The following PDE4D variants were observed in gnomAD, a reference collection of about 807,000 sequenced individuals.
PDE4D encodes 3',5'-cyclic-AMP phosphodiesterase 4D.
A neutral mutation model predicts 87.4 loss-of-function variants in PDE4D; 24 were observed. The observed-to-expected ratio is 0.27, with a 90% confidence interval of 0.20 to 0.39. The LOEUF is 0.39. Among genes scored for constraint, PDE4D ranks in the 10% least tolerant of loss-of-function variants. The pLI, the probability that PDE4D is intolerant of heterozygous loss-of-function variation, is 1.00. For missense variants in PDE4D, 714 were observed against 1,041.0 expected, an observed-to-expected ratio of 0.69 and a Z score of 4.32; for synonymous variants, 384 against 383.2, an observed-to-expected ratio of 1.00 and a Z score of -0.02.
chr5:59,587,007 T>G, intron 1 of PDE4D: 1 of 985,410 alleles, frequency 1.0e-6, no homozygotes, highest in Non-Finnish European at 1.2e-6. Flanking sequence ...TTCCCAGATT[T>G]CAGAATTGCT....
At chr5:59,525,370 C>A (rs575060060) in intron 1 of PDE4D, among the ~76,000 whole-genome samples, 1 of 152,304 alleles carries the variant, frequency 6.6e-6, no homozygotes, top group Admixed American at 6.5e-5. Flanking sequence ...GGGCCTGTTG[C>A]CCCTTTGTTC....
chr5:59,809,326 T>C (rs1768080370), intron 1 of PDE4D, among the ~76,000 whole-genome samples: 1 of 152,068 alleles, frequency 6.6e-6, no homozygotes, highest in Admixed American at 6.5e-5. Context: ...CCATCGAAAG[T>C]GAGATATAAA....
chr5:60,278,726 C>T (rs76492626), intron 1 of PDE4D, among the ~76,000 whole-genome samples: 24 of 152,142 alleles, frequency 1.6e-4, no homozygotes, highest in Non-Finnish European at 2.9e-4. Flanking sequence ...TAAAACTCCA[C>T]GTGGCTCATC....
At chr5:59,569,654 T>C (rs540546279) in intron 1 of PDE4D, among the ~76,000 whole-genome samples, 2 of 152,324 alleles carry the variant, frequency 1.3e-5, no homozygotes, top group East Asian at 1.9e-4. Flanking sequence ...TTACTGCAGG[T>C]GCATCCACTT....
At position 59,715,502 on chromosome 5, in the gene PDE4D, G is replaced by A. The variant is rs116143107; in HGVS notation, c.455+177666C>T. Reference sequence around the variant, plus strand: ...ACTGACTCCATATGGTTTCATACCGGGTATGGACAAAGTAGTCAATGGGCT... The same window carrying A: ...ACTGACTCCATATGGTTTCATACCGAGTATGGACAAAGTAGTCAATGGGCT... On this transcript the variant is annotated intron_variant, in intron 1 of 14. Coordinates refer to ENST00000340635, the MANE Select transcript of PDE4D (RefSeq NM_001104631.2). Among the ~76,000 whole-genome samples the A allele has an allele frequency of 2.9e-3, 435 of 152,302 alleles. 5 individuals are homozygous for A. The highest frequency in any genetic ancestry group is 0.01 in the African/African-American group (417 of 41,590).
chr5:60,092,050 C>CA (rs66814905), intron 2 of PDE4D, among the ~76,000 whole-genome samples: 1,066 of 55,900 alleles, frequency 0.019, 179 homozygotes, highest in African/African-American at 0.042. Context: ...AACTCCGTCT[C>CA]AAAAAAAAAA....
intron 2 of PDE4D, among the ~76,000 whole-genome samples, chr5:60,076,114 A>T (rs1412798403): frequency 2.0e-5 from 3 of 152,020 alleles, no homozygotes; most frequent in South Asian, 2.1e-4. Context: ...GAGTTCCCAC[A>T]CTGGTTTTTT....
chr5:60,453,458 A>G (rs1217641007), intron 1 of PDE4D, among the ~76,000 whole-genome samples: 1 of 152,160 alleles, frequency 6.6e-6, no homozygotes, highest in African/African-American at 2.4e-5. Flanking sequence ...GAGATCATAA[A>G]TGTCTTATTA....
At chr5:60,262,755 G>T (rs1303426005) in intron 1 of PDE4D, among the ~76,000 whole-genome samples, 1 of 152,134 alleles carries the variant, frequency 6.6e-6, no homozygotes, top group Non-Finnish European at 1.5e-5. Context: ...CTACTTTCTA[G>T]CTTTGTCAGC....
intron 6 of PDE4D, among the ~76,000 whole-genome samples, chr5:59,031,516 GC>G (rs1364154950): frequency 6.8e-6 from 1 of 147,638 alleles, no homozygotes; most frequent in Non-Finnish European, 1.5e-5. Flanking sequence ...GACCATCCTG[GC>G]TAACATAGTA....
intron 1 of PDE4D, among the ~76,000 whole-genome samples, chr5:60,427,692 A>T (rs79867937): frequency 0.027 from 4,160 of 152,324 alleles, 92 homozygotes; most frequent in Middle Eastern, 0.078. Context: ...TTCCTTAAAG[A>T]CTACTATTTA....
At chr5:60,277,191 A>G (rs1429859920) in intron 1 of PDE4D, among the ~76,000 whole-genome samples, 1 of 152,044 alleles carries the variant, frequency 6.6e-6, no homozygotes, top group African/African-American at 2.4e-5. Flanking sequence ...GGAAAAGCGG[A>G]TTTTCCTCTA....
intron 2 of PDE4D, among the ~76,000 whole-genome samples, chr5:60,126,248 C>T (rs550039621): frequency 1.7e-4 from 26 of 151,518 alleles, no homozygotes; most frequent in Non-Finnish European, 3.5e-4. Flanking sequence ...ATCCAGCTAT[C>T]TTCAGACAAT....
At chr5:59,297,420 T>C (rs1346078401) in intron 1 of PDE4D, among the ~76,000 whole-genome samples, 1 of 152,194 alleles carries the variant, frequency 6.6e-6, no homozygotes, top group South Asian at 2.1e-4. Context: ...TGGGTCCTTG[T>C]GGTAAATAAA....
chr5:59,719,485 G>T (rs560021816), intron 1 of PDE4D, among the ~76,000 whole-genome samples: 1 of 152,192 alleles, frequency 6.6e-6, no homozygotes, highest in South Asian at 2.1e-4. Flanking sequence ...TTAATTACGG[G>T]TTTATATAAT....
intron 2 of PDE4D, among the ~76,000 whole-genome samples, chr5:60,028,079 T>C (rs1409367443): frequency 6.6e-6 from 1 of 152,204 alleles, no homozygotes; most frequent in Admixed American, 6.5e-5. Flanking sequence ...TGCTAAATGA[T>C]TCTTTTAGCT....
rs74341753 is a variant in PDE4D at position 60,233,134 on chromosome 5, A to G, written c.-89-47447T>C. ...AAACATGCAAACTCAAGCATATCAG[A>G]TATAACTATACAGACTTTAGGATAC... On this transcript the variant is annotated intron_variant, in intron 1 of 16. Coordinates refer to the PDE4D transcript ENST00000502484. 0.013 allele frequency among the ~76,000 whole-genome samples: 1,967 copies of G among 151,682 alleles called. 65 individuals carry two copies. In the East Asian group the frequency reaches 0.13, roughly 10 times the overall value.
chr5:59,264,390 CAT>C (rs1459832655), intron 1 of PDE4D, among the ~76,000 whole-genome samples: 3 of 152,018 alleles, frequency 2.0e-5, no homozygotes, highest in Non-Finnish European at 4.4e-5. Flanking sequence ...AGGGATTTCA[CAT>C]ATATTTCTAG....
At chr5:59,621,544 T>C (rs527678392) in intron 1 of PDE4D, among the ~76,000 whole-genome samples, 1 of 152,338 alleles carries the variant, frequency 6.6e-6, no homozygotes, top group East Asian at 1.9e-4. Flanking sequence ...TGATTGGGTA[T>C]TCCCTAGCAT....
Sources: gnomAD v4.1 joint callset for allele counts (sites outside exome capture counted in the v4.1 genomes callset) on GRCh38, gnomAD v4.1.1 for gene constraint, MANE v1.5 for transcripts, NCBI Gene and HGNC (gene_info 2026-07-23, HGNC 2026-07-21) for gene names.